Variants in MMP16 observed in about 807,000 individuals in gnomAD.
MMP16 encodes the protein matrix metallopeptidase 16.
Under a neutral mutation model 67.8 loss-of-function variants are expected in MMP16, and 12 were observed. The observed-to-expected ratio is 0.18, with a 90% confidence interval of 0.11 to 0.29. The LOEUF is 0.29. Among genes scored for constraint, MMP16 ranks in the 10% least tolerant of loss-of-function variants. MMP16 has a pLI of 1.00. For synonymous variants in MMP16, 249 were observed against 255.9 expected (o/e 0.97, Z 0.26); for missense variants, 475 against 765.7 (o/e 0.62, Z 4.48).
At chr8:88,107,512 C>T (rs1229502293) in intron 6 of MMP16, among the ~76,000 whole-genome samples, 1 of 150,672 alleles carries the variant, frequency 6.6e-6, no homozygotes, top group Non-Finnish European at 1.5e-5. Context: ...TTGAATATTT[C>T]ATGTTATATT....
chr8:88,318,084 T>C (rs911904585), intron 1 of MMP16, among the ~76,000 whole-genome samples: 3 of 152,226 alleles, frequency 2.0e-5, no homozygotes, highest in Admixed American at 6.5e-5. Context: ...TCAGTAGCTA[T>C]AGACACACAC....
At chr8:88,080,354 G>GA (rs1808725444) in intron 6 of MMP16, among the ~76,000 whole-genome samples, 1 of 152,064 alleles carries the variant, frequency 6.6e-6, no homozygotes, top group Non-Finnish European at 1.5e-5. Flanking sequence ...ATTAGCTGTG[G>GA]AAAAAATTAG....
At chr8:88,181,594 T>C (rs372139787) in intron 3 of MMP16, among the ~76,000 whole-genome samples, 4 of 151,502 alleles carry the variant, frequency 2.6e-5, no homozygotes, top group African/African-American at 9.6e-5. Flanking sequence ...ATAATATTTA[T>C]GTTATTTCCA....
intron 6 of MMP16, among the ~76,000 whole-genome samples, chr8:88,101,571 A>G (rs765661374): frequency 6.6e-6 from 1 of 151,862 alleles, no homozygotes; most frequent in Non-Finnish European, 1.5e-5. Context: ...CTGACCAGTT[A>G]ACTGCTACAA....
At chr8:88,095,302 T>TC (rs1215501305) in intron 6 of MMP16, among the ~76,000 whole-genome samples, 1 of 151,804 alleles carries the variant, frequency 6.6e-6, no homozygotes, top group African/African-American at 2.4e-5. Flanking sequence ...ATTTTTTTTT[T>TC]CCACCAGCAA....
chr8:88,324,016 A>G (rs1811500575), intron 1 of MMP16, among the ~76,000 whole-genome samples: 1 of 152,166 alleles, frequency 6.6e-6, no homozygotes, highest in Non-Finnish European at 1.5e-5. Context: ...CTGAAAGACC[A>G]ACTCTTAAAA....
intron 1 of MMP16, among the ~76,000 whole-genome samples, chr8:88,202,638 T>TAC (rs140438260): frequency 9.2e-4 from 138 of 150,718 alleles, no homozygotes; most frequent in East Asian, 2.1e-3. Context: ...TACATGCACA[T>TAC]ACACACACAC....
chr8:88,317,843 A>G (rs1811398169), intron 1 of MMP16, among the ~76,000 whole-genome samples: 1 of 152,158 alleles, frequency 6.6e-6, no homozygotes, highest in African/African-American at 2.4e-5. Flanking sequence ...TCTCTCCACA[A>G]TAAAGGCAAC....
rs555202317 is a variant in MMP16, at chr8:88,125,837, T to G, written c.710-6976A>C. Reference sequence around the variant, plus strand: ...TTTGTGTGATTTATCTGTGCAACACTTTTTCCCTGGATAGCTCAGTTTGAT... The same window carrying G: ...TTTGTGTGATTTATCTGTGCAACACGTTTTCCCTGGATAGCTCAGTTTGAT... On this transcript the variant is annotated intron_variant, in intron 4 of 9. Coordinates refer to ENST00000286614, the MANE Select transcript of MMP16 (RefSeq NM_005941.5). Among the ~76,000 whole-genome samples the G allele has an allele frequency of 3.3e-5, 5 of 152,020 alleles. No individual in the cohort carries two copies. The East Asian group carries it at 9.8e-4, about 30-fold the overall frequency.
At chr8:88,068,761 A>C (rs1808495673) in intron 7 of MMP16, among the ~76,000 whole-genome samples, 1 of 151,830 alleles carries the variant, frequency 6.6e-6, no homozygotes, top group Admixed American at 6.6e-5. Context: ...GAGTGCAGGG[A>C]CATGATCTTG....
chr8:88,235,390 CAAAAA>C (rs35201322), intron 1 of MMP16, among the ~76,000 whole-genome samples: 1 of 116,240 alleles, frequency 8.6e-6, no homozygotes. Context: ...GACTCCATCT[CAAAAA>C]AAAAAAAAAA....
At chr8:88,118,602 C>T (rs1393866374) in intron 5 of MMP16, 98 bp downstream of exon 5, 1 of 1,106,380 alleles carries the variant, frequency 9.0e-7, no homozygotes, top group Non-Finnish European at 1.3e-6. Flanking sequence ...CTGTAGTCAT[C>T]TGTGTTATAC....
chr8:88,064,339 T>G (rs1434729306), intron 7 of MMP16, among the ~76,000 whole-genome samples: 1 of 152,168 alleles, frequency 6.6e-6, no homozygotes, highest in East Asian at 1.9e-4. Context: ...ATTTATATAT[T>G]CTTTGAGAAA....
chr8:88,083,809 A>C (rs893533180), intron 6 of MMP16, among the ~76,000 whole-genome samples: 2 of 152,090 alleles, frequency 1.3e-5, no homozygotes, highest in African/African-American at 4.8e-5. Context: ...TGGTTCAAGC[A>C]AGAACCATCA....
At chr8:88,112,998 C>T (rs1047114246) in intron 6 of MMP16, among the ~76,000 whole-genome samples, 1 of 151,648 alleles carries the variant, frequency 6.6e-6, no homozygotes, top group African/African-American at 2.4e-5. Context: ...TAACAACTTA[C>T]CAAAATAAAA....
intron 1 of MMP16, among the ~76,000 whole-genome samples, chr8:88,233,955 A>G (rs968129111): frequency 1.3e-5 from 2 of 152,256 alleles, no homozygotes; most frequent in African/African-American, 4.8e-5. Flanking sequence ...TTATAGTCAA[A>G]CATGAAAACT....
rs536691423 is a variant in MMP16, at chr8:88,244,520, T to A, written c.133-47214A>T. Among the ~76,000 whole-genome samples, 4 of 152,332 alleles carry A rather than the reference T, an allele frequency of 2.6e-5. No individual in the cohort carries two copies. The South Asian group carries it at 8.3e-4, about 32-fold the overall frequency. ...ATACATGTAACAGTTTCTCTAATAA[T>A]GATTTTTAAACTAACATGTACTGAG... On this transcript the variant is annotated intron_variant, in intron 1 of 9. Coordinates refer to ENST00000286614, the MANE Select transcript of MMP16 (RefSeq NM_005941.5).
chr8:88,124,573 G>T (rs1312045371), intron 4 of MMP16, among the ~76,000 whole-genome samples: 1 of 151,930 alleles, frequency 6.6e-6, no homozygotes, highest in African/African-American at 2.4e-5. Flanking sequence ...CCTAGGAGAC[G>T]ATGGCCACCC....
chr8:88,161,435 C>G (rs1429214687), intron 4 of MMP16, among the ~76,000 whole-genome samples: 1 of 152,026 alleles, frequency 6.6e-6, no homozygotes, highest in Non-Finnish European at 1.5e-5. Flanking sequence ...TGATTCTTCT[C>G]TCTTTTCTTC....
Sources: gnomAD v4.1 joint callset for allele counts (sites outside exome capture counted in the v4.1 genomes callset) on GRCh38, gnomAD v4.1.1 for gene constraint, MANE v1.5 for transcripts, NCBI Gene and HGNC (gene_info 2026-07-23, HGNC 2026-07-21) for gene names.